The following DEUP1 variants were observed in gnomAD, a reference collection of about 807,000 sequenced individuals.
DEUP1 encodes the protein coiled-coil domain containing 67.
A neutral mutation model predicts 87.4 loss-of-function variants in DEUP1; 82 were observed. That is an observed-to-expected ratio of 0.94 (90% CI 0.78 to 1.13). The LOEUF is 1.13. Among genes scored for constraint, DEUP1 ranks in the 50% most tolerant of loss-of-function variants. The pLI is 0.00. For synonymous variants in DEUP1, 214 were observed against 222.7 expected (o/e 0.96, Z 0.35); for missense variants, 663 against 681.5 (o/e 0.97, Z 0.30).
In DEUP1 at chr11:93,385,419, G is replaced by C. The variant is rs1432007209; in HGVS notation, c.811G>C (p.Glu271Gln). 3 of 1,612,960 alleles carry C rather than the reference G, an allele frequency of 1.9e-6. No individual in the cohort carries two copies. In the African/African-American group the frequency reaches 4.0e-5, roughly 22 times the overall value. The change falls in exon 8 of 14, where the codon GAG becomes CAG. Residue 271 changes from glutamate (E) to glutamine (Q), a missense_variant. Coordinates refer to ENST00000298050, the MANE Select transcript of DEUP1 (RefSeq NM_181645.4). ...TCAGGCCATGGAAGCAGGTCTCTCA[G>C]AGGTAAAAAGTGAGTTACAGTCACG... ...QCQAMEAGLS[E>Q]VKSELQSRDD...
intron 13 of DEUP1, among the ~76,000 whole-genome samples, chr11:93,420,528 C>G (rs1276495895): frequency 6.1e-5 from 9 of 148,204 alleles, no homozygotes; most frequent in Non-Finnish European, 6.0e-5. Flanking sequence ...TCTCTCACCA[C>G]TCCTATTCAA....
intron 5 of DEUP1, among the ~76,000 whole-genome samples, chr11:93,368,417 C>T (rs778608802): frequency 6.6e-6 from 1 of 152,124 alleles, no homozygotes. Flanking sequence ...TGAAGAAAAG[C>T]GGTTTAATTG....
intron 13 of DEUP1, among the ~76,000 whole-genome samples, chr11:93,437,073 CA>C (rs1259107219): frequency 6.6e-6 from 1 of 152,200 alleles, no homozygotes; most frequent in East Asian, 1.9e-4. Flanking sequence ...CAAGACACAT[CA>C]TGCAGCCAGC....
intron 4 of DEUP1, among the ~76,000 whole-genome samples, chr11:93,360,021 T>C (rs1015222352): frequency 1.6e-4 from 25 of 152,134 alleles, no homozygotes; most frequent in Admixed American, 1.6e-3. Flanking sequence ...CCCTGTCTAC[T>C]CTCGGGTGGT....
chr11:93,385,488 C>T lies in DEUP1; in HGVS notation c.880C>T (p.His294Tyr), dbSNP rs1245475717. ...RIIEMERLQL[H>Y]RELLKIGECQ... Reference sequence around the variant, plus strand: ...TATAGAAATGGAACGATTGCAATTACACAGAGAATTATTAAAAATAGGAGA... The same window carrying T: ...TATAGAAATGGAACGATTGCAATTATACAGAGAATTATTAAAAATAGGAGA... The change falls in exon 8 of 14, where the codon CAC becomes TAC. Residue 294 changes from histidine (H) to tyrosine (Y), a missense_variant. His to Tyr is a moderately conservative substitution (Grantham distance 83). Coordinates refer to ENST00000298050, the MANE Select transcript of DEUP1 (RefSeq NM_181645.4). The T allele has an allele frequency of 6.2e-7, 1 of 1,611,108 alleles. No homozygotes were observed. Among genetic ancestry groups the T allele is most frequent in the Non-Finnish European group, 8.5e-7 (1 of 1,178,382 alleles).
intron 11 of DEUP1, among the ~76,000 whole-genome samples, chr11:93,396,963 T>C (rs964460130): frequency 1.3e-5 from 2 of 150,372 alleles, no homozygotes; most frequent in African/African-American, 4.9e-5. Context: ...TTCAATTGTT[T>C]AATGTAACAA....
intron 1 of DEUP1, among the ~76,000 whole-genome samples, chr11:93,331,425 C>A (rs1943477090): frequency 6.6e-6 from 1 of 151,432 alleles, no homozygotes; most frequent in African/African-American, 2.4e-5. Flanking sequence ...AAGAGGTGAG[C>A]CAGTGCCCAT....
chr11:93,428,769 C>G (rs1948015568), intron 13 of DEUP1, among the ~76,000 whole-genome samples: 1 of 152,120 alleles, frequency 6.6e-6, no homozygotes, highest in Non-Finnish European at 1.5e-5. Flanking sequence ...TTTCATTACC[C>G]TGGTCATAGG....
chr11:93,350,960 A>G (rs1258997536), intron 2 of DEUP1, among the ~76,000 whole-genome samples: 1 of 149,540 alleles, frequency 6.7e-6, no homozygotes, highest in African/African-American at 2.4e-5. Flanking sequence ...CATCTCAAAA[A>G]AAATTATATA....
intron 11 of DEUP1, among the ~76,000 whole-genome samples, chr11:93,407,968 T>C (rs540227680): frequency 6.6e-6 from 1 of 152,224 alleles, no homozygotes; most frequent in Admixed American, 6.5e-5. Context: ...TGAGCAATAT[T>C]GTATGTATTG....
intron 2 of DEUP1, among the ~76,000 whole-genome samples, chr11:93,335,796 C>T (rs1434085528): frequency 1.3e-5 from 2 of 152,078 alleles, no homozygotes; most frequent in Non-Finnish European, 2.9e-5. Flanking sequence ...AGTTTTTCTC[C>T]ACATATAAAT....
intron 11 of DEUP1, among the ~76,000 whole-genome samples, chr11:93,397,058 A>C (rs1946967155): frequency 6.6e-6 from 1 of 152,204 alleles, no homozygotes; most frequent in Non-Finnish European, 1.5e-5. Context: ...ATTTGCTCTG[A>C]GAAAATTCTA....
At position 93,407,291 on chromosome 11, in the gene DEUP1, A is replaced by G. The variant is rs185208679; in HGVS notation, c.1327-940A>G. Among the ~76,000 whole-genome samples the G allele has an allele frequency of 4.4e-3, 669 of 152,308 alleles. 3 individuals carry two copies. Among genetic ancestry groups the G allele is most frequent in the African/African-American group, 0.016 (648 of 41,590 alleles). On this transcript the variant is annotated intron_variant, in intron 11 of 13. Transcript: ENST00000298050. ...AAAATTTCTATGTTTAGGTATGTTC[A>G]GATACACAAATACTTATACAAGTTT...
chr11:93,408,409 T>C lies in DEUP1; in HGVS notation c.1505T>C (p.Val502Ala), dbSNP rs371785641. The change falls in exon 12 of 14, where the codon GTG (valine) becomes GCG (alanine). Residue 502 changes from valine (V) to alanine (A), a missense_variant. By Grantham distance (64) the Val-to-Ala change is moderately conservative. Coordinates refer to ENST00000298050, the MANE Select transcript of DEUP1 (RefSeq NM_181645.4). ...TATGCCTATCAAAGCCAAATAAAAG[T>C]GGAACAAAATGAAGAGAGGTATGCT... ...GRYAYQSQIK[V>A]EQNEERLSHD... 217 of 1,552,636 alleles carry C rather than the reference T, an allele frequency of 1.4e-4. No homozygotes were observed. The highest frequency in any genetic ancestry group is 1.7e-4 in the Non-Finnish European group (201 of 1,149,132).
intron 2 of DEUP1, among the ~76,000 whole-genome samples, chr11:93,346,858 G>T (rs557271855): frequency 3.3e-5 from 5 of 152,184 alleles, no homozygotes; most frequent in African/African-American, 1.2e-4. Flanking sequence ...TGTTGTTGGT[G>T]TGTAGGAATG....
chr11:93,383,968 A>G (rs1449530168), intron 7 of DEUP1, among the ~76,000 whole-genome samples: 2 of 152,190 alleles, frequency 1.3e-5, no homozygotes, highest in African/African-American at 4.8e-5. Context: ...ATCTGTAAAA[A>G]TGGCAATGGA....
At position 93,389,043 on chromosome 11, in the gene DEUP1, C is replaced by A. The variant is rs758086322; in HGVS notation, c.959C>A (p.Ser320Tyr). 1.3e-5 allele frequency: 20 copies of A among 1,578,966 alleles called. No individual in the cohort carries two copies. The highest frequency in any genetic ancestry group is 1.6e-5 in the Non-Finnish European group (19 of 1,156,106). Reference protein sequence around the residue: ...KTRLESSYLPSIKEPERKIKE... With the variant: ...KTRLESSYLPYIKEPERKIKE... The stretch of plus-strand genomic sequence containing the variant: ...AGACTTGAATCATCTTATTTGCCTT[C>A]TATTAAAGAACCAGAAAGGAAAATA... The change falls in exon 9 of 14, where the codon TCT becomes TAT. Residue 320 changes from serine to tyrosine, a missense_variant. Ser to Tyr is a moderately radical substitution (Grantham distance 144). Coordinates refer to ENST00000298050, the MANE Select transcript of DEUP1 (RefSeq NM_181645.4).
chr11:93,436,963 G>A (rs10831046), intron 13 of DEUP1, among the ~76,000 whole-genome samples: 52,962 of 151,848 alleles, frequency 0.35, 9,910 homozygotes, highest in African/African-American at 0.48. Flanking sequence ...CATGAAGGGT[G>A]GAATTGGGGC....
chr11:93,371,322 G>A, intron 7 of DEUP1, 42 bp downstream of exon 7: 1 of 1,566,860 alleles, frequency 6.4e-7, no homozygotes, highest in Non-Finnish European at 8.7e-7. Context: ...TCCATGACTT[G>A]TATAAATGGT....
Sources: allele counts gnomAD v4.1 joint callset (sites outside exome capture counted in the v4.1 genomes callset), GRCh38; gene constraint gnomAD v4.1.1; transcripts MANE v1.5; gene names NCBI Gene and HGNC (gene_info 2026-07-23, HGNC 2026-07-21).